The following CHRDL1 variants were observed in gnomAD, a reference collection of about 807,000 sequenced individuals.
The protein encoded by CHRDL1 is chordin-like protein 1.
In CHRDL1, 19 loss-of-function variants were observed where a neutral mutation model predicts 40.9. The observed-to-expected ratio is 0.46, with a 90% confidence interval of 0.32 to 0.68. CHRDL1 has a LOEUF of 0.68. Among genes scored for constraint, CHRDL1 ranks in the 30% least tolerant of loss-of-function variants. CHRDL1 has a pLI of 0.03. For synonymous variants in CHRDL1, 136 were observed against 123.4 expected, an observed-to-expected ratio of 1.10 and a Z score of -0.68; for missense variants, 329 against 352.1, an observed-to-expected ratio of 0.93 and a Z score of 0.53.
chrX:110,764,901 C>T (rs949913603), intron 2 of CHRDL1, among the ~76,000 whole-genome samples: 2 of 110,899 alleles, frequency 1.8e-5, no homozygotes, highest in African/African-American at 3.3e-5. Flanking sequence ...TGGGGAAAAA[C>T]CCCGCTCTGG....
chrX:110,704,171 C>T lies in CHRDL1; in HGVS notation c.542-3450G>A, dbSNP rs961119377. On this transcript the variant is annotated intron_variant, in intron 6 of 11. Coordinates refer to ENST00000372042, the MANE Select transcript of CHRDL1 (RefSeq NM_001143981.2). ...TTAAAAGATAAATGCTTGAGGGGAT[C>T]GATACCCTATTCTCCATGATGTGTT... 6.3e-5 allele frequency among the ~76,000 whole-genome samples: 7 copies of T among 110,967 alleles called. No homozygotes were observed. The East Asian group carries it at 1.4e-3, about 22-fold the overall frequency.
chrX:110,737,063 C>G (rs180773144), intron 4 of CHRDL1, among the ~76,000 whole-genome samples: 151 of 112,168 alleles, frequency 1.3e-3, no homozygotes, highest in Non-Finnish European at 2.0e-3. Flanking sequence ...ATTTCTGACA[C>G]TGTAATGGCT....
At chrX:110,784,221 T>G (rs1210147247) in intron 2 of CHRDL1, among the ~76,000 whole-genome samples, 1 of 111,709 alleles carries the variant, frequency 9.0e-6, no homozygotes, top group Non-Finnish European at 1.9e-5. Context: ...GACAATTGGG[T>G]TTCTAGAGTT....
Position 110,747,017 on chromosome X carries a change from C to T in CHRDL1, c.301+12644G>A, listed in dbSNP as rs113634545. On this transcript the variant is annotated intron_variant, in intron 4 of 11. Coordinates refer to ENST00000372042, the MANE Select transcript of CHRDL1 (RefSeq NM_001143981.2). ...ACAGTGAACTGGAAGGACAGCAGAG[C>T]GAGGCCCCATCTCTTTATTGGCCCC... Among the ~76,000 whole-genome samples the T allele has an allele frequency of 3.6e-3, 399 of 110,398 alleles. 3 individuals are homozygous for T. The highest frequency in any genetic ancestry group is 0.012 in the African/African-American group (373 of 29,890).
At chrX:110,747,671 G>A (rs148711935) in intron 4 of CHRDL1, among the ~76,000 whole-genome samples, 1,888 of 112,387 alleles carry the variant, frequency 0.017, 11 homozygotes, top group Non-Finnish European at 0.025. Context: ...TTGTACTGAT[G>A]CTTTCAAAGC....
At chrX:110,731,477 A>G (rs1485013429) in intron 4 of CHRDL1, among the ~76,000 whole-genome samples, 1 of 111,521 alleles carries the variant, frequency 9.0e-6, no homozygotes, top group Non-Finnish European at 1.9e-5. Context: ...TAAGCCACCA[A>G]TTCCACTCCC....
At chrX:110,748,238 A>T (rs2089293520) in intron 4 of CHRDL1, among the ~76,000 whole-genome samples, 1 of 112,197 alleles carries the variant, frequency 8.9e-6, no homozygotes. Context: ...TAATAAAGCT[A>T]TGTTGAATGG....
intron 8 of CHRDL1, among the ~76,000 whole-genome samples, chrX:110,689,083 T>TATAA (rs2070095937): frequency 1.2e-5 from 1 of 81,577 alleles, no homozygotes; most frequent in African/African-American, 4.6e-5. Context: ...TATATATATA[T>TATAA]ATATATATAT....
intron 2 of CHRDL1, among the ~76,000 whole-genome samples, chrX:110,771,427 T>C (rs920787455): frequency 8.9e-6 from 1 of 111,822 alleles, no homozygotes; most frequent in African/African-American, 3.3e-5. Flanking sequence ...GATGCAAAAA[T>C]TCTCAACAAA....
chrX:110,692,521 G>A (rs182734116), intron 8 of CHRDL1, among the ~76,000 whole-genome samples: 48 of 111,168 alleles, frequency 4.3e-4, no homozygotes, highest in African/African-American at 1.5e-3. Context: ...ATGGGATTTA[G>A]GATTTTCAAA....
chrX:110,709,398 C>G (rs2070706095), intron 6 of CHRDL1, among the ~76,000 whole-genome samples: 1 of 111,949 alleles, frequency 8.9e-6, no homozygotes, highest in African/African-American at 3.2e-5. Context: ...AACAAACAAG[C>G]AAACAAAGCC....
At chrX:110,707,273 C>A (rs775489782) in intron 6 of CHRDL1, among the ~76,000 whole-genome samples, 2 of 111,434 alleles carry the variant, frequency 1.8e-5, no homozygotes, top group East Asian at 5.6e-4. Context: ...TTATAAAGCA[C>A]AAAATTAGAA....
intron 7 of CHRDL1, among the ~76,000 whole-genome samples, chrX:110,699,146 C>A (rs191307503): frequency 2.4e-4 from 27 of 111,991 alleles, no homozygotes; most frequent in Admixed American, 8.6e-4. Flanking sequence ...CCCCTTTCCC[C>A]AATTCTTCTG....
At chrX:110,727,645 G>A (rs1035909761) in intron 4 of CHRDL1, among the ~76,000 whole-genome samples, 2 of 112,041 alleles carry the variant, frequency 1.8e-5, no homozygotes, top group Non-Finnish European at 3.8e-5. Context: ...TCATTCATTA[G>A]AGAAATATAA....
chrX:110,758,213 C>T (rs758868855), intron 4 of CHRDL1, among the ~76,000 whole-genome samples: 3 of 101,141 alleles, frequency 3.0e-5, no homozygotes, highest in Non-Finnish European at 6.1e-5. Context: ...GCCCCCACCC[C>T]CACCCATACC....
intron 4 of CHRDL1, among the ~76,000 whole-genome samples, chrX:110,754,402 C>T (rs2089414986): frequency 8.9e-6 from 1 of 111,988 alleles, no homozygotes; most frequent in Admixed American, 9.5e-5. Flanking sequence ...TTCCTTAAGC[C>T]CTGTGATTTT....
intron 6 of CHRDL1, among the ~76,000 whole-genome samples, chrX:110,709,997 TA>T (rs373495870): frequency 2.7e-4 from 29 of 105,736 alleles, no homozygotes; most frequent in South Asian, 1.2e-3. Flanking sequence ...GACTCTGTCT[TA>T]AAAAAAAAAA....
chrX:110,740,930 A>G (rs536841025), intron 4 of CHRDL1, among the ~76,000 whole-genome samples: 1 of 112,523 alleles, frequency 8.9e-6, no homozygotes, highest in Admixed American at 9.4e-5. Context: ...CTGCTTTCAC[A>G]TTACAATGCA....
chrX:110,741,770 G>A (rs184003160), intron 4 of CHRDL1, among the ~76,000 whole-genome samples: 1 of 111,988 alleles, frequency 8.9e-6, no homozygotes, highest in African/African-American at 3.2e-5. Flanking sequence ...GTCCCTGGAA[G>A]CCTTCTATCT....
Sources: allele counts gnomAD v4.1 joint callset (sites outside exome capture counted in the v4.1 genomes callset), GRCh38; gene constraint gnomAD v4.1.1; transcripts MANE v1.5; gene names NCBI Gene and HGNC (gene_info 2026-07-23, HGNC 2026-07-21).